Variants in MLXIPL observed in about 807,000 individuals in gnomAD.
MLXIPL encodes the protein MLX interacting protein like, also known as carbohydrate-responsive element-binding protein.
In MLXIPL, 49 loss-of-function variants were observed where a neutral mutation model predicts 81.5. The ratio of observed to expected loss-of-function variants is 0.60; its 90% CI spans 0.48 to 0.76. MLXIPL has a LOEUF of 0.76. Ranked by LOEUF, MLXIPL falls within the 30% of genes least tolerant of loss-of-function variation. The pLI is 0.00. For synonymous variants in MLXIPL, 466 were observed against 485.5 expected (o/e 0.96, Z 0.53); for missense variants, 1,053 against 1,167.0 (o/e 0.90, Z 1.42).
rs1183365791 is a variant in MLXIPL at position 73,606,775 on chromosome 7, G to T, written c.618+199C>A. On this transcript the variant is annotated intron_variant, in intron 5 of 16. Coordinates refer to ENST00000313375, the MANE Select transcript of MLXIPL (RefSeq NM_032951.3). ...CCCACCACTTGCTCAATGACCTGGG[G>T]TCTTCTCACCACCTCACCCTCACCC... is the stretch of plus-strand genomic sequence containing the variant. 2.2e-5 allele frequency: 14 copies of T among 625,796 alleles called. No individual in the cohort carries two copies. The Admixed American group carries it at 2.9e-4, about 13-fold the overall frequency. 38.8% of individuals were successfully genotyped at this position (625,796 alleles called of 1,614,324 possible).
Position 73,597,340 on chromosome 7 carries a change from G to T in MLXIPL, c.1445C>A (p.Pro482His). ...CATGGAGAAGCAAGGCCCAAAGGCAGGCTCCGAATACCCCAAGGGTAGAAG... is the reference window on the plus strand; with the variant it reads ...CATGGAGAAGCAAGGCCCAAAGGCATGCTCCGAATACCCCAAGGGTAGAAG... ...IELLPLGYSE[P>H]AFGPCFSMPR... The change falls in exon 9 of 17, where the codon CCT (proline) becomes CAT (histidine). Residue 482 changes from proline (P) to histidine (H), a missense_variant. Pro to His is a moderately conservative substitution (Grantham distance 77). This residue lies in a region of MLXIPL where 823 missense variants were observed against 933.0 expected (regional missense o/e 0.88). Coordinates refer to ENST00000313375, the MANE Select transcript of MLXIPL (RefSeq NM_032951.3). 1 of 1,538,020 alleles carries T rather than the reference G, an allele frequency of 6.5e-7. No homozygotes were observed. Among genetic ancestry groups the T allele is most frequent in the South Asian group, 1.2e-5 (1 of 80,190 alleles).
chr7:73,618,575 G>T (rs1263353678), intron 1 of MLXIPL, among the ~76,000 whole-genome samples: 1 of 151,934 alleles, frequency 6.6e-6, no homozygotes, highest in East Asian at 1.9e-4. Flanking sequence ...GCTTTGGGGT[G>T]GGGGTGGGGG....
At chr7:73,631,324 G>A in the MLXIPL span, among the ~76,000 whole-genome samples, 2 of 151,874 alleles carry the variant, frequency 1.3e-5, no homozygotes. Flanking sequence ...CCACACTAGG[G>A]AATATTAATG....
intron 2 of MLXIPL, among the ~76,000 whole-genome samples, chr7:73,614,597 T>G (rs1795889832): frequency 6.6e-6 from 1 of 152,150 alleles, no homozygotes; most frequent in South Asian, 2.1e-4. Context: ...CTGACCTGAA[T>G]GAGGTCCCAA....
chr7:73,608,184 T>A (rs1237956176), intron 2 of MLXIPL, among the ~76,000 whole-genome samples: 2 of 151,764 alleles, frequency 1.3e-5, no homozygotes, highest in Admixed American at 1.3e-4. Context: ...GCACTGTGAA[T>A]CCAACCTCCC....
chr7:73,624,311 G>A lies in MLXIPL; in HGVS notation c.182C>T (p.Ser61Leu), dbSNP rs1351061217. The A allele has an allele frequency of 1.3e-6, 2 of 1,587,522 alleles. No homozygotes were observed. The highest frequency in any genetic ancestry group is 1.7e-4 in the Middle Eastern group (1 of 5,924). Residue 61 changes from serine (S) to leucine (L), a missense_variant, in exon 1 of 17, where the codon TCG becomes TTG. By Grantham distance (145) the Ser-to-Leu change is moderately radical. Transcript: ENST00000313375. The stretch of plus-strand genomic sequence containing the variant: ...CTCCTGGTCGCGCCGCCGGGGCAGC[G>A]AGTCGCTGTGCGGCGACGACACCAT... ...HFMVSSPHSDSLPRRRDQEGS... is the reference protein window; with the variant it reads ...HFMVSSPHSDLLPRRRDQEGS...
chr7:73,611,752 G>A (rs1795700179), intron 2 of MLXIPL, among the ~76,000 whole-genome samples: 2 of 151,730 alleles, frequency 1.3e-5, no homozygotes, highest in African/African-American at 4.8e-5. Flanking sequence ...GGAGGCAGAG[G>A]TTGCAGTGAG....
At chr7:73,607,701 C>T in intron 2 of MLXIPL, 29 bp from the exon 3 acceptor site, 1 of 1,600,828 alleles carries the variant, frequency 6.2e-7, no homozygotes, top group Non-Finnish European at 8.6e-7. Context: ...GTCAGGGGCA[C>T]CCAGCTTCCT....
upstream of MLXIPL, among the ~76,000 whole-genome samples, chr7:73,626,432 A>G (rs1292130174): frequency 6.6e-6 from 1 of 151,756 alleles, no homozygotes; most frequent in African/African-American, 2.4e-5. Context: ...CCTCCCTAGT[A>G]GCTGGGACTA....
chr7:73,607,325 A>G lies in MLXIPL; in HGVS notation c.573+6T>C, dbSNP rs1554598546. On this transcript the variant is annotated splice_donor_region_variant and intron_variant, in intron 4 of 16. Coordinates refer to ENST00000313375, the MANE Select transcript of MLXIPL (RefSeq NM_032951.3). Reference sequence around the variant, plus strand: ...TCTGGGGCCTCCCTGGCCCTCCCCCACTGACCCGCTTCTTGTAGTAGATGC... The same window carrying G: ...TCTGGGGCCTCCCTGGCCCTCCCCCGCTGACCCGCTTCTTGTAGTAGATGC... 1 of 1,560,718 alleles carries G rather than the reference A, an allele frequency of 6.4e-7. No homozygotes were observed. The highest frequency in any genetic ancestry group is 8.7e-7 in the Non-Finnish European group (1 of 1,151,876).
the MLXIPL span, among the ~76,000 whole-genome samples, chr7:73,633,457 C>T: frequency 6.6e-6 from 1 of 151,608 alleles, no homozygotes; most frequent in Non-Finnish European, 1.5e-5. Context: ...GCAGTCCTCC[C>T]GCCATGGTGT....
chr7:73,643,034 A>C, the MLXIPL span, among the ~76,000 whole-genome samples: 1 of 152,126 alleles, frequency 6.6e-6, no homozygotes, highest in African/African-American at 2.4e-5. Context: ...GGGTTGTAGG[A>C]GCTGTGTGCC....
At chr7:73,611,707 T>C (rs1554599769) in intron 2 of MLXIPL, among the ~76,000 whole-genome samples, 2 of 151,972 alleles carry the variant, frequency 1.3e-5, no homozygotes, top group Non-Finnish European at 2.9e-5. Context: ...TCCCAGCTAC[T>C]TGGGAGGCTG....
chr7:73,643,406 C>T, the MLXIPL span, among the ~76,000 whole-genome samples: 11 of 150,938 alleles, frequency 7.3e-5, no homozygotes, highest in South Asian at 2.1e-4. Context: ...CCCAGCTACT[C>T]GGGAGGCTGA....
the MLXIPL span, among the ~76,000 whole-genome samples, chr7:73,631,496 G>A: frequency 6.6e-6 from 1 of 150,508 alleles, no homozygotes; most frequent in Admixed American, 6.6e-5. Flanking sequence ...AGGAGTCAGG[G>A]TTGCATTTAG....
intron 8 of MLXIPL, among the ~76,000 whole-genome samples, chr7:73,597,973 G>A (rs528207591): frequency 2.6e-4 from 40 of 152,214 alleles, no homozygotes; most frequent in Admixed American, 5.2e-4. Context: ...CTTCCTGCCC[G>A]TCCATTTGTC....
chr7:73,602,163 C>CCTTCCTTCCTTCCTTT (rs1794915407), intron 7 of MLXIPL, among the ~76,000 whole-genome samples: 1 of 148,222 alleles, frequency 6.7e-6, no homozygotes, highest in Admixed American at 6.8e-5. Context: ...TTCCTTCCTT[C>CCTTCCTTCCTTCCTTT]CTTTCTTTCC....
chr7:73,646,190 C>T, the MLXIPL span, among the ~76,000 whole-genome samples: 1 of 152,170 alleles, frequency 6.6e-6, no homozygotes, highest in African/African-American at 2.4e-5. Context: ...GGCAGCAGGG[C>T]CAAAGACAGC....
the MLXIPL span, among the ~76,000 whole-genome samples, chr7:73,633,951 G>C: frequency 6.6e-6 from 1 of 152,168 alleles, no homozygotes; most frequent in South Asian, 2.1e-4. Flanking sequence ...GGAAGGACTT[G>C]GCAAAGTTAG....
Sources: gnomAD v4.1 joint callset for allele counts (sites outside exome capture counted in the v4.1 genomes callset) on GRCh38, gnomAD v4.1.1 for gene constraint, gnomAD v4.1.1 regional missense constraint, MANE v1.5 for transcripts, NCBI Gene and HGNC (gene_info 2026-07-23, HGNC 2026-07-21) for gene names.